NFATC3: variants seen among roughly 807,000 people sequenced by gnomAD.
NFATC3 encodes the protein nuclear factor of activated T cells 3.
Under a neutral mutation model 98.6 loss-of-function variants are expected in NFATC3, and 46 were observed. The ratio of observed to expected loss-of-function variants is 0.47; its 90% CI spans 0.37 to 0.60. The LOEUF (loss-of-function observed/expected upper bound fraction) is 0.60, where lower values mean the gene tolerates loss of function less well. Among genes scored for constraint, NFATC3 ranks in the 20% least tolerant of loss-of-function variants. The probability of loss-of-function intolerance (pLI) is 0.00; values close to 1 mark genes in which losing one functional copy is unlikely to be tolerated. For missense variants in NFATC3, 1,256 were observed against 1,295.5 expected (o/e 0.97, Z 0.47); for synonymous variants, 512 against 472.2 (o/e 1.08, Z -1.09).
At chr16:68,172,084 C>T (rs2039492971) in intron 5 of NFATC3, among the ~76,000 whole-genome samples, 1 of 152,148 alleles carries the variant, frequency 6.6e-6, no homozygotes, top group Non-Finnish European at 1.5e-5. Flanking sequence ...CCGCCCACCT[C>T]AGCCTCCCAA....
chr16:68,170,338 C>T (rs1260355537), intron 5 of NFATC3, among the ~76,000 whole-genome samples: 13 of 139,574 alleles, frequency 9.3e-5, no homozygotes, highest in Non-Finnish European at 1.7e-4. Context: ...TGCAGTGAGC[C>T]GAGATCATGC....
intron 1 of NFATC3, among the ~76,000 whole-genome samples, chr16:68,103,920 G>T (rs1252465941): frequency 1.3e-5 from 2 of 152,132 alleles, no homozygotes; most frequent in Non-Finnish European, 2.9e-5. Context: ...TCTTATGCTA[G>T]CACCACACTG....
chr16:68,192,230 A>AATATATATATAT (rs1555522048), intron 9 of NFATC3: 1 of 82,600 alleles, frequency 1.2e-5, no homozygotes, highest in Non-Finnish European at 2.1e-5. Context: ...AAAAAAAAAA[A>AATATATATATAT]ATATATATAT....
intron 9 of NFATC3, chr16:68,214,509 G>A: frequency 7.9e-7 from 1 of 1,259,084 alleles, no homozygotes; most frequent in Non-Finnish European, 1.2e-6. Flanking sequence ...ATTTGCATGT[G>A]CTACAGAGGA....
intron 3 of NFATC3, among the ~76,000 whole-genome samples, chr16:68,147,471 T>C (rs1368523490): frequency 6.6e-6 from 1 of 152,200 alleles, no homozygotes; most frequent in Non-Finnish European, 1.5e-5. Context: ...CTAAAATTTA[T>C]TCTTTCAACA....
At chr16:68,140,117 C>T (rs112648392) in intron 3 of NFATC3, among the ~76,000 whole-genome samples, 1,564 of 152,290 alleles carry the variant, frequency 0.01, 28 homozygotes, top group African/African-American at 0.034. Flanking sequence ...ATGCCTCAGC[C>T]TCCCAAGTAG....
chr16:68,201,348 T>C lies in NFATC3; in HGVS notation c.3106+9573T>C, dbSNP rs531476323. ...TGGGACTCAGGTGATCCTTCCACTT[T>C]AGCCCCCCAAGTAGCAGGGACTACA... is the stretch of plus-strand genomic sequence containing the variant. On this transcript the variant is annotated intron_variant, in intron 9 of 9. Coordinates refer to ENST00000346183, the MANE Select transcript of NFATC3 (RefSeq NM_173165.3). Among the ~76,000 whole-genome samples the C allele has an allele frequency of 2.6e-5, 4 of 152,200 alleles. No individual in the cohort carries two copies. The East Asian group carries it at 7.7e-4, about 29-fold the overall frequency.
In NFATC3 at chr16:68,191,587, A is replaced by G. The variant is rs974899063; in HGVS notation, c.2918A>G (p.Gln973Arg). The change falls in exon 9 of 10, where the codon CAG becomes CGG. Residue 973 changes from glutamine to arginine, a missense_variant. This residue lies in a region of NFATC3 where 636 missense variants were observed against 617.3 expected (regional missense o/e 1.03). Transcript: ENST00000346183. ...PSPATRMHSG[Q>R]HSTQAQSTGQ... Reference sequence around the variant, plus strand: ...CCAGCCACCAGAATGCATTCTGGACAGCACTCAACTCAAGCACAAAGTACG... The same window carrying G: ...CCAGCCACCAGAATGCATTCTGGACGGCACTCAACTCAAGCACAAAGTACG... 10 of 1,614,036 alleles carry G rather than the reference A, an allele frequency of 6.2e-6. No homozygotes were observed. In the Admixed American group the frequency reaches 1.2e-4, roughly 19 times the overall value.
At chr16:68,208,139 G>A (rs1159781067) in intron 9 of NFATC3, among the ~76,000 whole-genome samples, 3 of 151,754 alleles carry the variant, frequency 2.0e-5, no homozygotes, top group African/African-American at 7.3e-5. Flanking sequence ...AAGTTCAAGC[G>A]ATTCTCCTGC....
intron 3 of NFATC3, among the ~76,000 whole-genome samples, chr16:68,128,909 CAGG>C (rs1344249296): frequency 4.6e-5 from 7 of 151,828 alleles, no homozygotes; most frequent in Non-Finnish European, 1.0e-4. Context: ...TGCTTGAGGC[CAGG>C]AGTTTGAGAC....
chr16:68,103,952 A>G (rs2035506203), intron 1 of NFATC3, among the ~76,000 whole-genome samples: 2 of 152,130 alleles, frequency 1.3e-5, no homozygotes, highest in Admixed American at 6.6e-5. Flanking sequence ...GTGCCTTTGT[A>G]GTAAGTTTTG....
At chr16:68,109,659 C>G (rs1431254188) in intron 1 of NFATC3, among the ~76,000 whole-genome samples, 1 of 152,164 alleles carries the variant, frequency 6.6e-6, no homozygotes, top group East Asian at 1.9e-4. Context: ...GTACCAGCTT[C>G]TCTTTGTACC....
At position 68,166,947 on chromosome 16, in the gene NFATC3, G is replaced by A. The variant is rs1790601519; in HGVS notation, c.1706G>A (p.Arg569His). 6.2e-7 allele frequency: 1 copy of A among 1,614,118 alleles called. No homozygotes were observed. Among genetic ancestry groups the A allele is most frequent in the African/African-American group, 1.3e-5 (1 of 75,036 alleles). Residue 569 changes from arginine to histidine, a missense_variant, in exon 5 of 10, where the codon CGT (arginine) becomes CAT (histidine). Transcript: ENST00000346183. ...RKNTRVRLVF[R>H]VHIPQPSGKV... ...AATACTAGAGTACGACTTGTGTTTC[G>A]TGTACACATCCCACAGCCCAGTGGA...
intron 3 of NFATC3, among the ~76,000 whole-genome samples, chr16:68,155,868 G>A (rs1029051963): frequency 6.6e-6 from 1 of 152,024 alleles, no homozygotes; most frequent in African/African-American, 2.4e-5. Flanking sequence ...AACACTCAAT[G>A]GTAGCAGACT....
chr16:68,163,605 C>CGGG (rs1000369045), intron 4 of NFATC3, among the ~76,000 whole-genome samples: 1 of 116,172 alleles, frequency 8.6e-6, no homozygotes, highest in African/African-American at 3.3e-5. Flanking sequence ...ACTTCCCAGA[C>CGGG]GGGGCGGCTG....
At chr16:68,145,808 A>G (rs188493395) in intron 3 of NFATC3, among the ~76,000 whole-genome samples, 6 of 152,308 alleles carry the variant, frequency 3.9e-5, no homozygotes, top group Admixed American at 6.5e-5. Flanking sequence ...GCATAAAACT[A>G]TATACACACA....
intron 3 of NFATC3, among the ~76,000 whole-genome samples, chr16:68,141,064 G>GT (rs1180138181): frequency 1.3e-5 from 2 of 152,094 alleles, no homozygotes; most frequent in African/African-American, 4.8e-5. Flanking sequence ...GTGGTATTTG[G>GT]TTTTCCATTC....
Position 68,085,897 on chromosome 16 carries a change from T to C in NFATC3, c.103+113T>C, listed in dbSNP as rs929378267. On this transcript the variant is annotated intron_variant, in intron 1 of 9. Coordinates refer to ENST00000346183, the MANE Select transcript of NFATC3 (RefSeq NM_173165.3). ...GGAGACCGATAACCCTGTGTGTGTG[T>C]GTGCGCGCGCGTGTGTGTGGTGAGT... The C allele has an allele frequency of 5.2e-6, 4 of 772,742 alleles. No homozygotes were observed. The African/African-American group carries it at 5.6e-5, about 11-fold the overall frequency. The allele number at this position is 772,742 out of a possible 1,614,324, so 47.9% of individuals were successfully genotyped here.
chr16:68,118,020 C>A (rs2036378289), intron 1 of NFATC3, among the ~76,000 whole-genome samples: 1 of 152,206 alleles, frequency 6.6e-6, no homozygotes, highest in Non-Finnish European at 1.5e-5. Flanking sequence ...GTCTTGGCTT[C>A]TTCTAGCTCT....
Sources: gnomAD v4.1 joint callset for allele counts (sites outside exome capture counted in the v4.1 genomes callset) on GRCh38, gnomAD v4.1.1 for gene constraint, gnomAD v4.1.1 regional missense constraint, MANE v1.5 for transcripts, NCBI Gene and HGNC (gene_info 2026-07-23, HGNC 2026-07-21) for gene names.